Variants in AGMO observed in about 807,000 individuals in gnomAD.
The protein encoded by AGMO is alkylglycerol monooxygenase, also known as glyceryl-ether monooxygenase.
A neutral mutation model predicts 60.2 loss-of-function variants in AGMO; 75 were observed. That is an observed-to-expected ratio of 1.25 (90% CI 1.03 to 1.51). AGMO has a LOEUF of 1.51. Among genes scored for constraint, AGMO ranks in the 40% most tolerant of loss-of-function variants. The pLI, the probability that AGMO is intolerant of heterozygous loss-of-function variation, is 0.00. For synonymous variants in AGMO, 261 were observed against 177.1 expected, an observed-to-expected ratio of 1.47 and a Z score of -3.76; for missense variants, 763 against 525.5, an observed-to-expected ratio of 1.45 and a Z score of -4.42.
intron 12 of AGMO, among the ~76,000 whole-genome samples, chr7:15,324,280 T>G (rs913055574): frequency 1.3e-5 from 2 of 152,104 alleles, no homozygotes; most frequent in African/African-American, 4.8e-5. Flanking sequence ...TATCTCAGAC[T>G]TTTAGACGTT....
At chr7:15,406,206 CA>C (rs1784679963) in intron 5 of AGMO, among the ~76,000 whole-genome samples, 1 of 147,074 alleles carries the variant, frequency 6.8e-6, no homozygotes, top group South Asian at 2.1e-4. Context: ...TCAGAAGACT[CA>C]AAAGGCCCCT....
At chr7:15,207,327 C>A (rs1781464230) in intron 12 of AGMO, among the ~76,000 whole-genome samples, 1 of 152,140 alleles carries the variant, frequency 6.6e-6, no homozygotes. Context: ...AATTTTTAAT[C>A]TTTGATTTGG....
chr7:15,354,494 GTGTATATATATATATATATA>G (rs1782437166), intron 12 of AGMO, among the ~76,000 whole-genome samples: 1 of 11,598 alleles, frequency 8.6e-5, no homozygotes. Context: ...ATATACACAC[GTGTATATATATATATATATA>G]TATATATATA....
intron 3 of AGMO, among the ~76,000 whole-genome samples, chr7:15,534,580 T>A (rs371922354): frequency 6.6e-6 from 1 of 151,960 alleles, no homozygotes; most frequent in Non-Finnish European, 1.5e-5. Context: ...AACTAAAACG[T>A]TCATTTTCCT....
rs776710838 is a variant in AGMO, at chr7:15,387,515, G to A, written c.848C>T (p.Thr283Ile). The stretch of plus-strand genomic sequence containing the variant: ...GAATCCAGGTGTGGCCCAGAATGTA[G>A]TCCATATGGAAAATAAGTGATGGAA... Reference protein sequence around the residue: ...VQFHHLFSIWTTFWATPGFFN... With the variant: ...VQFHHLFSIWITFWATPGFFN... The change falls in exon 9 of 13, where the codon ACT becomes ATT. Residue 283 changes from threonine to isoleucine, a missense_variant. By Grantham distance (89) the Thr-to-Ile change is moderately conservative. Coordinates refer to ENST00000342526, the MANE Select transcript of AGMO (RefSeq NM_001004320.2). 2.5e-6 allele frequency: 4 copies of A among 1,612,714 alleles called. No homozygotes were observed. The Admixed American group carries it at 5.0e-5, about 20-fold the overall frequency.
rs546925786 is a variant in AGMO at position 15,391,594 on chromosome 7, C to G, written c.677-689G>C. Among the ~76,000 whole-genome samples, 44 of 152,236 alleles carry G rather than the reference C, an allele frequency of 2.9e-4. No homozygotes were observed. The South Asian group carries it at 8.7e-3, about 30-fold the overall frequency. On this transcript the variant is annotated intron_variant, in intron 6 of 12. Transcript: ENST00000342526. ...TTAACCAAGCCATTACCCCAAGAAG[C>G]TCAACTATCCTGTGTTCCCATTCCT...
At chr7:15,189,883 T>C in the AGMO span, among the ~76,000 whole-genome samples, 13 of 151,382 alleles carry the variant, frequency 8.6e-5, no homozygotes, top group Admixed American at 6.6e-5. Context: ...CTTAAATGTA[T>C]GTTGTTTACC....
chr7:15,138,525 G>C, the AGMO span, among the ~76,000 whole-genome samples: 1 of 152,156 alleles, frequency 6.6e-6, no homozygotes, highest in Admixed American at 6.5e-5. Flanking sequence ...AATTATCTAT[G>C]TGAGAAAAAT....
intron 10 of AGMO, among the ~76,000 whole-genome samples, chr7:15,368,770 A>ATTT (rs1783085831): frequency 1.3e-5 from 2 of 152,124 alleles, no homozygotes. Context: ...CAGGAAACTC[A>ATTT]CAGATGAAAT....
chr7:15,395,214 G>A (rs1784322906), intron 5 of AGMO, among the ~76,000 whole-genome samples: 1 of 152,160 alleles, frequency 6.6e-6, no homozygotes, highest in Non-Finnish European at 1.5e-5. Context: ...GCTTCCGTTT[G>A]GAGGACATAT....
chr7:15,542,768 C>G lies in AGMO; in HGVS notation c.409+2004G>C, dbSNP rs529039309. ...TTAATCATGTTTGATTTTGGAGTAGCCTTTGCATTTATATATGAGGAAATA... is the reference window on the plus strand; with the variant it reads ...TTAATCATGTTTGATTTTGGAGTAGGCTTTGCATTTATATATGAGGAAATA... On this transcript the variant is annotated intron_variant, in intron 3 of 12. Transcript: ENST00000342526. Among the ~76,000 whole-genome samples, 59 of 152,162 alleles carry G rather than the reference C, an allele frequency of 3.9e-4. 1 individual carries two copies. The highest frequency in any genetic ancestry group is 3.3e-3 in the South Asian group (16 of 4,816).
At chr7:15,240,116 A>T (rs1782547074) in intron 12 of AGMO, among the ~76,000 whole-genome samples, 1 of 152,146 alleles carries the variant, frequency 6.6e-6, no homozygotes, top group Non-Finnish European at 1.5e-5. Context: ...GCTACATCAA[A>T]GGGGTAATAT....
chr7:15,270,324 G>A (rs114733850), intron 12 of AGMO, among the ~76,000 whole-genome samples: 4,661 of 151,934 alleles, frequency 0.031, 232 homozygotes, highest in African/African-American at 0.11. Flanking sequence ...ATTCTGAATG[G>A]TATGAGATGA....
At chr7:15,534,524 A>G (rs1309692715) in intron 3 of AGMO, among the ~76,000 whole-genome samples, 2 of 151,990 alleles carry the variant, frequency 1.3e-5, no homozygotes, top group African/African-American at 4.8e-5. Context: ...ATCATGTCTA[A>G]CTTCAGTATA....
intron 3 of AGMO, among the ~76,000 whole-genome samples, chr7:15,464,483 A>G (rs1353947542): frequency 1.3e-5 from 2 of 152,210 alleles, no homozygotes; most frequent in African/African-American, 4.8e-5. Context: ...AAGTCGTACC[A>G]ATGTTCACGA....
chr7:15,155,266 C>G, the AGMO span, among the ~76,000 whole-genome samples: 1 of 151,956 alleles, frequency 6.6e-6, no homozygotes, highest in African/African-American at 2.4e-5. Context: ...TTTACATAAT[C>G]CTATATTTCC....
chr7:15,253,080 A>G (rs1254892501), intron 12 of AGMO, among the ~76,000 whole-genome samples: 3 of 152,200 alleles, frequency 2.0e-5, no homozygotes, highest in Non-Finnish European at 4.4e-5. Context: ...ATGAAGAACA[A>G]AGATTCATTT....
chr7:15,418,308 G>C (rs1437963642), intron 5 of AGMO, among the ~76,000 whole-genome samples: 2 of 151,950 alleles, frequency 1.3e-5, no homozygotes, highest in African/African-American at 4.8e-5. Flanking sequence ...ATTGAATATA[G>C]TATTAAAATG....
intron 5 of AGMO, among the ~76,000 whole-genome samples, chr7:15,395,877 T>G (rs1784355832): frequency 6.6e-6 from 1 of 152,202 alleles, no homozygotes; most frequent in Non-Finnish European, 1.5e-5. Flanking sequence ...CAATTTACAG[T>G]TGCTCAATAC....
Sources: allele counts gnomAD v4.1 joint callset (sites outside exome capture counted in the v4.1 genomes callset), GRCh38; gene constraint gnomAD v4.1.1; transcripts MANE v1.5; gene names NCBI Gene and HGNC (gene_info 2026-07-23, HGNC 2026-07-21).